XPNPEP2: variants seen among roughly 807,000 people sequenced by gnomAD.
XPNPEP2 encodes the protein xaa-Pro aminopeptidase 2.
Under a neutral mutation model 59.8 loss-of-function variants are expected in XPNPEP2, and 64 were observed. The ratio of observed to expected loss-of-function variants is 1.07; its 90% CI spans 0.87 to 1.32. The LOEUF is 1.32. Among genes scored for constraint, XPNPEP2 ranks in the 40% most tolerant of loss-of-function variants. The pLI is 0.00. For missense variants in XPNPEP2, 575 were observed against 546.8 expected, an observed-to-expected ratio of 1.05 and a Z score of -0.51; for synonymous variants, 235 against 210.0, an observed-to-expected ratio of 1.12 and a Z score of -1.03.
chrX:129,741,562 C>T (rs987885746), intron 1 of XPNPEP2, among the ~76,000 whole-genome samples: 3 of 112,117 alleles, frequency 2.7e-5, no homozygotes, highest in Non-Finnish European at 5.6e-5. Context: ...ATCCATCTTT[C>T]CCCACCATGG....
In XPNPEP2 at chrX:129,755,478, G is replaced by A. The variant is rs766717191; in HGVS notation, c.1295+107G>A. On this transcript the variant is annotated intron_variant, in intron 13 of 20. Transcript: ENST00000371106. ...ATGTTCTGGGACCTGAGTCCACGTT[G>A]AAGGTCCGAGGCCCCTAGCCCTGTG... 23 of 774,808 alleles carry A rather than the reference G, an allele frequency of 3.0e-5. No individual in the cohort carries two copies. The South Asian group carries it at 5.1e-4, about 17-fold the overall frequency. The allele number at this position is 774,808 out of a possible 1,213,427, so 63.9% of individuals were successfully genotyped here.
chrX:129,769,384 C>T lies in XPNPEP2; in HGVS notation c.*899C>T, dbSNP rs944110457. On this transcript the variant is annotated 3_prime_UTR_variant, in exon 21 of 21. Transcript: ENST00000371106. ...TGAGCCAGCATTCCAGCTCTTTCAC[C>T]CTTCAGCAACATGCAGAGTCCCTGA... 1.8e-5 allele frequency: 2 copies of T among 112,214 alleles called. No homozygotes were observed. Among genetic ancestry groups the T allele is most frequent in the African/African-American group, 6.5e-5 (2 of 30,865 alleles). 9.2% of individuals were successfully genotyped at this position (112,214 alleles called of 1,213,427 possible).
At chrX:129,763,120 A>C (rs1979590431) in intron 19 of XPNPEP2, among the ~76,000 whole-genome samples, 1 of 111,776 alleles carries the variant, frequency 8.9e-6, no homozygotes, top group African/African-American at 3.3e-5. Flanking sequence ...AACAAGATAA[A>C]ATACCTAGAT....
intron 4 of XPNPEP2, among the ~76,000 whole-genome samples, chrX:129,746,034 C>G (rs886373113): frequency 1.8e-5 from 2 of 111,998 alleles, no homozygotes; most frequent in Admixed American, 1.9e-4. Flanking sequence ...GCAGAGGTGC[C>G]TGATTCAGGA....
In XPNPEP2 at chrX:129,762,555, C is replaced by T. The variant is rs148505361; in HGVS notation, c.1664-139C>T. Reference sequence around the variant, plus strand: ...CTCTGCTTAGCCAACAAACATCTAACCAGTTGTGGGGCTGCCAGAGTCAAC... The same window carrying T: ...CTCTGCTTAGCCAACAAACATCTAATCAGTTGTGGGGCTGCCAGAGTCAAC... On this transcript the variant is annotated intron_variant, in intron 18 of 20. Transcript: ENST00000371106. 1,061 of 517,864 alleles carry T rather than the reference C, an allele frequency of 2.0e-3. 3 individuals are homozygous for T. In the African/African-American group the frequency reaches 0.022, roughly 11 times the overall value. 42.7% of individuals were successfully genotyped at this position (517,864 alleles called of 1,213,427 possible). A position where few individuals can be genotyped will look rare whatever the true frequency, so the allele number is the denominator to read the frequency against.
chrX:129,741,144 G>A (rs1422860555), intron 1 of XPNPEP2, among the ~76,000 whole-genome samples: 1 of 92,278 alleles, frequency 1.1e-5, no homozygotes, highest in Non-Finnish European at 2.0e-5. Flanking sequence ...CACAGTAGGC[G>A]CTTAGGAGAT....
chrX:129,747,960 C>T, intron 7 of XPNPEP2: 1 of 497,504 alleles, frequency 2.0e-6, no homozygotes, highest in Non-Finnish European at 3.4e-6. Flanking sequence ...TGTCCTCCGG[C>T]CATATTTAGA....
At chrX:129,747,548 C>T in intron 6 of XPNPEP2, 59 bp from the exon 7 acceptor site, 1 of 1,191,066 alleles carries the variant, frequency 8.4e-7, no homozygotes, top group Non-Finnish European at 1.1e-6. Context: ...GCCTGAATCA[C>T]AATTTTTTCC....
intron 16 of XPNPEP2, 34 bp from the exon 17 acceptor site, chrX:129,761,138 C>T (rs1489896736): frequency 1.7e-6 from 2 of 1,178,467 alleles, no homozygotes; most frequent in Non-Finnish European, 2.3e-6. Flanking sequence ...TCGGTAAAGC[C>T]ATCTGACTGG....
In XPNPEP2 at chrX:129,743,908, G is replaced by A. The variant is rs899996209; in HGVS notation, c.124-53G>A. Reference sequence around the variant, plus strand: ...GGGGCCCAGATGTCATTTTCTCTAAGCAACGTGTGTATCTGTTTGTTTGTG... The same window carrying A: ...GGGGCCCAGATGTCATTTTCTCTAAACAACGTGTGTATCTGTTTGTTTGTG... On this transcript the variant is annotated intron_variant, in intron 2 of 20. Transcript: ENST00000371106. The A allele has an allele frequency of 2.9e-5, 32 of 1,103,897 alleles. No homozygotes were observed. The African/African-American group carries it at 5.4e-4, about 19-fold the overall frequency. The allele number at this position is 1,103,897 out of a possible 1,213,427, so 91.0% of individuals were successfully genotyped here. A position where few individuals can be genotyped will look rare whatever the true frequency, so the allele number is the denominator to read the frequency against.
In XPNPEP2 at chrX:129,743,943, C is replaced by T. The variant is rs1236397111; in HGVS notation, c.124-18C>T. On this transcript the variant is annotated intron_variant, in intron 2 of 20. Transcript: ENST00000371106. ...TATCTGTTTGTTTGTGTCTCAATGT[C>T]TTCTTGTCATCTGTCAGTACCTTCC... is the stretch of plus-strand genomic sequence containing the variant. 4.2e-6 allele frequency: 5 copies of T among 1,193,556 alleles called. No homozygotes were observed. The East Asian group carries it at 1.2e-4, about 28-fold the overall frequency.
chrX:129,753,094 C>G (rs923216732), intron 10 of XPNPEP2, 65 bp from the exon 11 acceptor site: 22 of 967,479 alleles, frequency 2.3e-5, no homozygotes, highest in Non-Finnish European at 3.1e-5. Flanking sequence ...GCCATGGAGA[C>G]CTCCTTTACT....
At chrX:129,746,533 G>T in intron 5 of XPNPEP2, 62 bp from the exon 6 acceptor site, 1 of 1,098,317 alleles carries the variant, frequency 9.1e-7, no homozygotes, top group Admixed American at 2.2e-5. Flanking sequence ...AGAACCCCTG[G>T]CTGGAGAGCC....
chrX:129,756,492 A>C lies in XPNPEP2; in HGVS notation c.1304A>C (p.Lys435Thr). 1.7e-6 allele frequency: 2 copies of C among 1,211,184 alleles called. No homozygotes were observed. Among genetic ancestry groups the C allele is most frequent in the Non-Finnish European group, 1.1e-6 (1 of 895,199 alleles). ...TTCTCTCCCCTTCTCAGCCCGACCA[A>C]GGAGCTGAACCGCAAGCTGTCCTCA... ...NAALAHYSPT[K>T]ELNRKLSSDE... Residue 435 changes from lysine (K) to threonine (T), a missense_variant, in exon 14 of 21, where the codon AAG becomes ACG. By Grantham distance (78) the Lys-to-Thr change is moderately conservative. Transcript: ENST00000371106.
chrX:129,747,460 G>C (rs1334299934), intron 6 of XPNPEP2, 147 bp from the exon 7 acceptor site: 5 of 746,745 alleles, frequency 6.7e-6, no homozygotes, highest in African/African-American at 4.3e-5. Context: ...TGCCGGGGGT[G>C]GGGGGTGGGC....
In XPNPEP2 at chrX:129,752,286, G is replaced by A; in HGVS notation, c.958G>A (p.Val320Met). The A allele has an allele frequency of 8.2e-7, 1 of 1,212,183 alleles. No homozygotes were observed. The highest frequency in any genetic ancestry group is 1.1e-6 in the Non-Finnish European group (1 of 895,632). Residue 320 changes from valine (V) to methionine (M), a missense_variant, in exon 10 of 21, where the codon GTG becomes ATG. Physicochemically the swap from Val to Met is conservative, Grantham distance 21 (BLOSUM62 1). Transcript: ENST00000371106. ...DSIQAYSLGDVRIWIGTSYTM... is the reference protein window; with the variant it reads ...DSIQAYSLGDMRIWIGTSYTM... Reference sequence around the variant, plus strand: ...CATCCAGGCCTACTCATTGGGAGATGTGAGGATCTGGATTGGGACCAGCTA... The same window carrying A: ...CATCCAGGCCTACTCATTGGGAGATATGAGGATCTGGATTGGGACCAGCTA...
intron 12 of XPNPEP2, among the ~76,000 whole-genome samples, chrX:129,754,869 T>TG (rs769459565): frequency 9.0e-6 from 1 of 111,024 alleles, no homozygotes; most frequent in South Asian, 3.9e-4. Flanking sequence ...TGAATCTCCC[T>TG]GGGGGGTGCT....
intron 17 of XPNPEP2, among the ~76,000 whole-genome samples, 181 bp from the exon 18 acceptor site, chrX:129,761,825 T>C (rs1405257435): frequency 9.0e-6 from 1 of 111,019 alleles, no homozygotes; most frequent in Non-Finnish European, 1.9e-5. Context: ...AATACCTAAA[T>C]AAATAATAAA....
At position 129,762,057 on chromosome X, in the gene XPNPEP2, C is replaced by G. The variant is rs1190068477; in HGVS notation, c.1655C>G (p.Thr552Ser). Residue 552 changes from threonine (T) to serine (S), a missense_variant, in exon 18 of 21, where the codon ACT becomes AGT. By Grantham distance (58) the Thr-to-Ser change is moderately conservative (BLOSUM62 1). Coordinates refer to ENST00000371106, the MANE Select transcript of XPNPEP2 (RefSeq NM_003399.6). Reference protein sequence around the residue: ...NNIAMAKGMFTSIEPGYYKDG... With the variant: ...NNIAMAKGMFSSIEPGYYKDG... ...ATCGCTATGGCCAAGGGCATGTTCA[C>G]TTCCATTGGTATGGCCCTCAGGCCC... 8.3e-6 allele frequency: 10 copies of G among 1,210,171 alleles called. No individual in the cohort carries two copies. The highest frequency in any genetic ancestry group is 8.9e-6 in the Non-Finnish European group (8 of 895,025).
Sources: allele counts gnomAD v4.1 joint callset (sites outside exome capture counted in the v4.1 genomes callset), GRCh38; gene constraint gnomAD v4.1.1; transcripts MANE v1.5; gene names NCBI Gene and HGNC (gene_info 2026-07-23, HGNC 2026-07-21).